The following SEMA6D variants were observed in gnomAD, a reference collection of about 807,000 sequenced individuals.
SEMA6D encodes semaphorin 6D.
SEMA6D carries 35 observed loss-of-function variants against 106.6 expected under a neutral mutation model. The observed-to-expected ratio is 0.33, with a 90% CI of 0.25 to 0.44. The LOEUF (loss-of-function observed/expected upper bound fraction) is 0.44, where lower values mean the gene tolerates loss of function less well. SEMA6D is among the 20% of genes least tolerant of loss of function. The pLI is 1.00. For synonymous variants in SEMA6D, 499 were observed against 487.7 expected (o/e 1.02, Z -0.31); for missense variants, 1,185 against 1,345.9 (o/e 0.88, Z 1.87).
chr15:47,708,274 G>A (rs142467073), intron 4 of SEMA6D, among the ~76,000 whole-genome samples: 200 of 152,224 alleles, frequency 1.3e-3, no homozygotes, highest in Non-Finnish European at 2.4e-3. Context: ...TGTCTCTTCC[G>A]TCACATTTCC....
chr15:47,623,580 C>T (rs1045534034), intron 4 of SEMA6D, among the ~76,000 whole-genome samples: 2 of 152,152 alleles, frequency 1.3e-5, no homozygotes, highest in African/African-American at 4.8e-5. Context: ...GGTGTTGATA[C>T]TACCAGCAGT....
At chr15:47,386,586 G>T (rs2039847085) in intron 1 of SEMA6D, among the ~76,000 whole-genome samples, 1 of 152,178 alleles carries the variant, frequency 6.6e-6, no homozygotes, top group Non-Finnish European at 1.5e-5. Context: ...CTGGAGCCAA[G>T]GTTGGCTGTT....
intron 1 of SEMA6D, among the ~76,000 whole-genome samples, chr15:47,742,068 A>C (rs993492373): frequency 2.0e-5 from 3 of 152,220 alleles, no homozygotes; most frequent in African/African-American, 7.2e-5. Context: ...AACAGGAGCC[A>C]AGGGCAGGAG....
At chr15:47,404,921 G>T (rs923044891) in intron 1 of SEMA6D, among the ~76,000 whole-genome samples, 1 of 152,164 alleles carries the variant, frequency 6.6e-6, no homozygotes, top group African/African-American at 2.4e-5. Flanking sequence ...TAGAATTCTA[G>T]TGGAGAGTGC....
At chr15:47,268,521 G>C (rs185149309) in intron 1 of SEMA6D, among the ~76,000 whole-genome samples, 8 of 152,148 alleles carry the variant, frequency 5.3e-5, no homozygotes, top group Admixed American at 5.2e-4. Context: ...GGTAGTAGTG[G>C]GTTCAGATCT....
intron 2 of SEMA6D, among the ~76,000 whole-genome samples, chr15:47,429,519 G>A (rs999690221): frequency 8.6e-5 from 13 of 152,014 alleles, no homozygotes; most frequent in East Asian, 1.9e-4. Context: ...ATCTTTGAGC[G>A]TATTGTGTTA....
chr15:47,315,027 G>A (rs1343111923), intron 1 of SEMA6D, among the ~76,000 whole-genome samples: 2 of 150,892 alleles, frequency 1.3e-5, no homozygotes, highest in Non-Finnish European at 3.0e-5. Flanking sequence ...CATCACGCCC[G>A]GCTAATTTTT....
At chr15:47,270,701 T>A (rs1189781424) in intron 1 of SEMA6D, among the ~76,000 whole-genome samples, 1 of 152,092 alleles carries the variant, frequency 6.6e-6, no homozygotes, top group East Asian at 1.9e-4. Context: ...TTTTAAAAAA[T>A]ATATATTACA....
intron 1 of SEMA6D, among the ~76,000 whole-genome samples, chr15:47,238,719 C>T (rs1337121635): frequency 1.3e-5 from 2 of 152,060 alleles, no homozygotes; most frequent in African/African-American, 4.8e-5. Flanking sequence ...ATTTTCTGGC[C>T]TGAGTTTGCT....
At chr15:47,551,611 A>G (rs1033347443) in intron 3 of SEMA6D, among the ~76,000 whole-genome samples, 2 of 151,674 alleles carry the variant, frequency 1.3e-5, no homozygotes, top group African/African-American at 4.8e-5. Context: ...TCCAATACAC[A>G]GGGCAAATAC....
chr15:47,639,664 T>C (rs2077454014), intron 4 of SEMA6D, among the ~76,000 whole-genome samples: 1 of 152,220 alleles, frequency 6.6e-6, no homozygotes, highest in South Asian at 2.1e-4. Flanking sequence ...TCAGAAGTCA[T>C]GTTGATGGCA....
At chr15:47,583,067 T>C (rs2076281053) in intron 3 of SEMA6D, among the ~76,000 whole-genome samples, 1 of 152,186 alleles carries the variant, frequency 6.6e-6, no homozygotes, top group South Asian at 2.1e-4. Flanking sequence ...TAGGAATTAA[T>C]CTATGAATAA....
At chr15:47,187,733 C>A (rs1893674319) in intron 1 of SEMA6D, among the ~76,000 whole-genome samples, 1 of 151,878 alleles carries the variant, frequency 6.6e-6, no homozygotes, top group Non-Finnish European at 1.5e-5. Flanking sequence ...TGTTATTTTT[C>A]TCCTATGTCA....
intron 1 of SEMA6D, among the ~76,000 whole-genome samples, chr15:47,733,743 C>A (rs149907801): frequency 1.9e-4 from 29 of 152,278 alleles, no homozygotes; most frequent in African/African-American, 6.7e-4. Flanking sequence ...ACATGCAAGG[C>A]ACTTAGCATG....
intron 2 of SEMA6D, among the ~76,000 whole-genome samples, chr15:47,430,152 TC>T (rs1298711772): frequency 6.6e-6 from 1 of 152,112 alleles, no homozygotes; most frequent in Non-Finnish European, 1.5e-5. Flanking sequence ...TAGCATTAAT[TC>T]CTTACACATC....
At chr15:47,560,618 G>T (rs1300550374) in intron 3 of SEMA6D, among the ~76,000 whole-genome samples, 5 of 151,732 alleles carry the variant, frequency 3.3e-5, no homozygotes, top group African/African-American at 4.8e-5. Flanking sequence ...TTTTTAGAGG[G>T]GAAAAAAAAG....
chr15:47,299,598 T>A (rs1185887891), intron 1 of SEMA6D, among the ~76,000 whole-genome samples: 1 of 152,210 alleles, frequency 6.6e-6, no homozygotes, highest in Non-Finnish European at 1.5e-5. Context: ...ATGGAGCTAC[T>A]TCAAAATATG....
intron 1 of SEMA6D, among the ~76,000 whole-genome samples, chr15:47,358,413 A>G (rs557339542): frequency 2.0e-5 from 3 of 152,336 alleles, no homozygotes; most frequent in Non-Finnish European, 4.4e-5. Flanking sequence ...TTTCTAAAGT[A>G]ATAAAATGAC....
chr15:47,203,857 T>G (rs1226528245), intron 1 of SEMA6D, among the ~76,000 whole-genome samples: 3 of 152,232 alleles, frequency 2.0e-5, no homozygotes, highest in Non-Finnish European at 4.4e-5. Flanking sequence ...TTTATTTAAT[T>G]TAAGAGACTG....
Sources: gnomAD v4.1 joint callset for allele counts (sites outside exome capture counted in the v4.1 genomes callset) on GRCh38, gnomAD v4.1.1 for gene constraint, MANE v1.5 for transcripts, NCBI Gene and HGNC (gene_info 2026-07-23, HGNC 2026-07-21) for gene names.